TMEM150C: variants seen among roughly 807,000 people sequenced by gnomAD.
TMEM150C encodes transmembrane protein 150C.
A neutral mutation model predicts 29.9 loss-of-function variants in TMEM150C; 10 were observed. The observed-to-expected ratio is 0.33, with a 90% CI of 0.21 to 0.57. The LOEUF (loss-of-function observed/expected upper bound fraction) is 0.57. Among genes scored for constraint, TMEM150C ranks in the 20% least tolerant of loss-of-function variants. TMEM150C has a pLI of 0.88. For missense variants in TMEM150C, 251 were observed against 303.6 expected (o/e 0.83, Z 1.29); for synonymous variants, 101 against 112.5 (o/e 0.90, Z 0.64).
chr4:82,492,882 ATATATATATATATATATG>A (rs1449289729), intron 6 of TMEM150C, among the ~76,000 whole-genome samples: 1 of 140,660 alleles, frequency 7.1e-6, no homozygotes, highest in African/African-American at 2.6e-5. Flanking sequence ...ATATATATAT[ATATATATATATATATATG>A]TATTTGAGAT....
intron 1 of TMEM150C, among the ~76,000 whole-genome samples, chr4:82,535,892 C>T (rs1284894760): frequency 2.6e-5 from 4 of 152,100 alleles, no homozygotes; most frequent in Non-Finnish European, 4.4e-5. Flanking sequence ...AGGTGTTTAG[C>T]ACCATACCTG....
chr4:82,483,432 C>T lies in TMEM150C; in HGVS notation c.*2079G>A, dbSNP rs1021763559. On this transcript the variant is annotated 3_prime_UTR_variant, in exon 8 of 8. Coordinates refer to ENST00000449862, the MANE Select transcript of TMEM150C (RefSeq NM_001080506.3). ...CAAAACTAACAAATGTCACCTTGGA[C>T]TATTTACAGTAAGACGCCTTTTTGA... 6.6e-6 allele frequency: 1 copy of T among 152,188 alleles called. No individual in the cohort carries two copies. Among genetic ancestry groups the T allele is most frequent in the East Asian group, 1.9e-4 (1 of 5,194 alleles). The allele number at this position is 152,188 out of a possible 1,614,324, so 9.4% of individuals were successfully genotyped here. A position where few individuals can be genotyped will look rare whatever the true frequency, so the allele number is the denominator to read the frequency against.
At chr4:82,531,549 G>GT (rs1346036750) in intron 1 of TMEM150C, among the ~76,000 whole-genome samples, 1 of 152,142 alleles carries the variant, frequency 6.6e-6, no homozygotes. Flanking sequence ...GAGGTCAGGA[G>GT]TTCAAGACCA....
intron 6 of TMEM150C, among the ~76,000 whole-genome samples, chr4:82,492,450 T>A (rs1416881489): frequency 6.6e-6 from 1 of 151,996 alleles, no homozygotes; most frequent in Non-Finnish European, 1.5e-5. Flanking sequence ...TAATGAGAAT[T>A]TTTTTAGTTT....
At chr4:82,507,710 ACT>A (rs1215011397) in intron 1 of TMEM150C, among the ~76,000 whole-genome samples, 2,294 of 96,506 alleles carry the variant, frequency 0.024, 99 homozygotes, top group African/African-American at 0.059. Flanking sequence ...TATTAAATTA[ACT>A]CTCTCTCTCT....
At chr4:82,523,283 A>G (rs953976637) in intron 1 of TMEM150C, among the ~76,000 whole-genome samples, 8 of 152,162 alleles carry the variant, frequency 5.3e-5, no homozygotes, top group Non-Finnish European at 1.0e-4. Context: ...TGTCATGGAT[A>G]CCAGTCAGGT....
intron 2 of TMEM150C, among the ~76,000 whole-genome samples, chr4:82,504,113 TG>T (rs1723823624): frequency 6.6e-6 from 1 of 152,008 alleles, no homozygotes; most frequent in Admixed American, 6.6e-5. Context: ...TAATAGAAAA[TG>T]GGAAAAGAAA....
intron 1 of TMEM150C, among the ~76,000 whole-genome samples, chr4:82,543,390 A>G (rs1725253828): frequency 6.6e-6 from 1 of 152,236 alleles, no homozygotes; most frequent in African/African-American, 2.4e-5. Flanking sequence ...AACCTAAGCT[A>G]AAATAAATAA....
chr4:82,485,456 A>G lies in TMEM150C; in HGVS notation c.*55T>C. On this transcript the variant is annotated 3_prime_UTR_variant, in exon 8 of 8. Transcript: ENST00000449862. ...ATGTCAAGTCCTGTGAGTGTGTCCTACTGGCCCCTCCCCCACTGTCACACC... is the reference window on the plus strand; with the variant it reads ...ATGTCAAGTCCTGTGAGTGTGTCCTGCTGGCCCCTCCCCCACTGTCACACC... 2 of 1,359,948 alleles carry G rather than the reference A, an allele frequency of 1.5e-6. No individual in the cohort carries two copies. Among genetic ancestry groups the G allele is most frequent in the Non-Finnish European group, 2.1e-6 (2 of 974,498 alleles). 84.2% of individuals were successfully genotyped at this position (1,359,948 alleles called of 1,614,324 possible).
intron 7 of TMEM150C, among the ~76,000 whole-genome samples, chr4:82,487,342 T>C: frequency 6.6e-6 from 1 of 152,064 alleles, no homozygotes. Context: ...CCAGCTACTC[T>C]CTAGGCTGAG....
At chr4:82,504,307 G>A (rs1013595050) in intron 2 of TMEM150C, among the ~76,000 whole-genome samples, 3 of 152,116 alleles carry the variant, frequency 2.0e-5, no homozygotes, top group Non-Finnish European at 4.4e-5. Flanking sequence ...GGGTTCAAGC[G>A]ATTCTTGTGC....
intron 7 of TMEM150C, among the ~76,000 whole-genome samples, chr4:82,487,724 A>G (rs753301924): frequency 3.1e-4 from 47 of 152,158 alleles, no homozygotes; most frequent in Admixed American, 6.5e-4. Flanking sequence ...ATGGTGGAAC[A>G]GGAATTTGTG....
rs576415088 is a variant in TMEM150C, at chr4:82,483,343, T to C, written c.*2168A>G. On this transcript the variant is annotated 3_prime_UTR_variant, in exon 8 of 8. Transcript: ENST00000449862. ...GTAGAATAAAAGAAAACTACATAAG[T>C]CTTTGTTCTTTGATAAAAATTTTAA... 11 of 152,246 alleles carry C rather than the reference T, an allele frequency of 7.2e-5. No individual in the cohort carries two copies. The East Asian group carries it at 2.1e-3, about 29-fold the overall frequency. The allele number at this position is 152,246 out of a possible 1,614,324, so 9.4% of individuals were successfully genotyped here.
chr4:82,556,986 GA>G (rs1269571027), intron 1 of TMEM150C, among the ~76,000 whole-genome samples: 1 of 152,114 alleles, frequency 6.6e-6, no homozygotes, highest in Admixed American at 6.5e-5. Flanking sequence ...CAGAGGAGGG[GA>G]ACCCCCAGGA....
intron 5 of TMEM150C, among the ~76,000 whole-genome samples, chr4:82,501,912 A>G (rs1723748278): frequency 6.6e-6 from 1 of 152,218 alleles, no homozygotes; most frequent in Non-Finnish European, 1.5e-5. Flanking sequence ...AAGTCTCACC[A>G]TCAAAAGAAC....
intron 6 of TMEM150C, among the ~76,000 whole-genome samples, chr4:82,493,689 T>A (rs1161189497): frequency 6.6e-6 from 1 of 152,208 alleles, no homozygotes; most frequent in Non-Finnish European, 1.5e-5. Flanking sequence ...CTGAGCACTT[T>A]ACAACATGCC....
chr4:82,545,125 A>G (rs190546883), intron 1 of TMEM150C, among the ~76,000 whole-genome samples: 2 of 152,338 alleles, frequency 1.3e-5, no homozygotes, highest in Admixed American at 6.5e-5. Context: ...ATCCCTGATG[A>G]ACATAGACAC....
At chr4:82,529,199 G>C (rs1189814644) in intron 1 of TMEM150C, among the ~76,000 whole-genome samples, 1 of 152,084 alleles carries the variant, frequency 6.6e-6, no homozygotes, top group Non-Finnish European at 1.5e-5. Context: ...GGAACGATCA[G>C]AGAAACAGCA....
At chr4:82,533,377 A>T (rs1442613642) in intron 1 of TMEM150C, among the ~76,000 whole-genome samples, 1 of 152,248 alleles carries the variant, frequency 6.6e-6, no homozygotes, top group Non-Finnish European at 1.5e-5. Flanking sequence ...AAAGCTACTC[A>T]AACTTTTTTA....
Sources: allele counts gnomAD v4.1 joint callset (sites outside exome capture counted in the v4.1 genomes callset), GRCh38; gene constraint gnomAD v4.1.1; transcripts MANE v1.5; gene names NCBI Gene and HGNC (gene_info 2026-07-23, HGNC 2026-07-21).